The following MROH9 variants were observed in gnomAD, a reference collection of about 807,000 sequenced individuals.
MROH9 encodes the protein maestro heat-like repeat-containing protein family member 9.
Under a neutral mutation model 98.2 loss-of-function variants are expected in MROH9, and 92 were observed. The ratio of observed to expected loss-of-function variants is 0.94; its 90% CI spans 0.79 to 1.11. The LOEUF is 1.11. MROH9 is among the 50% of genes most tolerant of loss of function. The pLI is 0.00. For missense variants in MROH9, 1,057 were observed against 1,014.8 expected (o/e 1.04, Z -0.57); for synonymous variants, 397 against 368.9 (o/e 1.08, Z -0.87).
chr1:171,014,036 C>T, intron 15 of MROH9, 81 bp from the exon 16 acceptor site: 7 of 1,202,160 alleles, frequency 5.8e-6, no homozygotes, highest in East Asian at 2.6e-5. Flanking sequence ...CTAGTTTTAC[C>T]TAGAATATCT....
intron 14 of MROH9, 120 bp from the exon 15 acceptor site, chr1:170,998,034 A>G (rs1461597607): frequency 2.8e-5 from 20 of 723,718 alleles, no homozygotes; most frequent in Non-Finnish European, 4.3e-5. Flanking sequence ...TTATTTAGGG[A>G]ATATTAAAGA....
intron 20 of MROH9, among the ~76,000 whole-genome samples, chr1:171,031,639 G>A (rs1652918190): frequency 6.6e-6 from 1 of 152,190 alleles, no homozygotes; most frequent in Non-Finnish European, 1.5e-5. Context: ...TTTCTGTTGA[G>A]AGACGTACTT....
chr1:170,982,696 C>T (rs2101798930), intron 8 of MROH9, among the ~76,000 whole-genome samples: 1 of 152,138 alleles, frequency 6.6e-6, no homozygotes, highest in South Asian at 2.1e-4. Context: ...TGGAGACCAG[C>T]CTGGGCAACA....
intron 15 of MROH9, among the ~76,000 whole-genome samples, chr1:171,013,033 C>T (rs1652213312): frequency 6.6e-6 from 1 of 152,122 alleles, no homozygotes; most frequent in Non-Finnish European, 1.5e-5. Context: ...CTTTCAGGTG[C>T]TCAAACACAC....
chr1:171,064,155 AC>A lies in MROH9; in HGVS notation c.2403del (p.Tyr802MetfsTer11). 6.4e-7 allele frequency: 1 copy of A among 1,550,872 alleles called. No homozygotes were observed. Among genetic ancestry groups the A allele is most frequent in the Non-Finnish European group, 8.7e-7 (1 of 1,146,810 alleles). Reference sequence around the variant, plus strand: ...TATGATCAAACAGTTGGCTGAAATAACCTATGATATTTTTAAGAAAAAAGCC... The same window carrying A: ...TATGATCAAACAGTTGGCTGAAATAACTATGATATTTTTAAGAAAAAAGCC... ...DPMIKQLAEI[T>X]YDIFKKKAHK... is the part of the protein sequence containing the mutation. On this transcript the variant is annotated frameshift_variant, in exon 22 of 22. Coordinates refer to ENST00000367759, the MANE Select transcript of MROH9 (RefSeq NM_001163629.2). LOFTEE classifies it low-confidence loss of function (END_TRUNC).
At chr1:171,058,402 C>T (rs1318543032) in intron 20 of MROH9, among the ~76,000 whole-genome samples, 1 of 149,254 alleles carries the variant, frequency 6.7e-6, no homozygotes, top group Non-Finnish European at 1.5e-5. Context: ...GAATCAATAT[C>T]GTGAAAATGG....
chr1:170,937,699 A>G (rs1648952444), intron 1 of MROH9, among the ~76,000 whole-genome samples: 1 of 150,678 alleles, frequency 6.6e-6, no homozygotes, highest in African/African-American at 2.4e-5. Context: ...TTTTTTTTGT[A>G]TTTTTAGTAG....
chr1:170,989,091 A>T (rs956231260), intron 10 of MROH9, among the ~76,000 whole-genome samples: 2 of 152,200 alleles, frequency 1.3e-5, no homozygotes, highest in African/African-American at 4.8e-5. Flanking sequence ...TATATGATGT[A>T]ACTGCAGGGT....
chr1:170,998,774 G>A, intron 15 of MROH9: 3 of 974,036 alleles, frequency 3.1e-6, no homozygotes, highest in Non-Finnish European at 3.7e-6. Context: ...ACAAACTTTT[G>A]TTTACAAAAA....
chr1:171,012,551 A>G (rs1427253623), intron 15 of MROH9, among the ~76,000 whole-genome samples: 91 of 136,140 alleles, frequency 6.7e-4, no homozygotes, highest in Middle Eastern at 5.0e-3. Flanking sequence ...CACCCAGGCT[A>G]GAGTGCAGTG....
intron 3 of MROH9, among the ~76,000 whole-genome samples, chr1:170,957,750 T>C (rs1463123094): frequency 6.6e-6 from 1 of 152,122 alleles, no homozygotes; most frequent in Non-Finnish European, 1.5e-5. Flanking sequence ...AGTTTAGTCA[T>C]TCTTTAATAA....
intron 15 of MROH9, among the ~76,000 whole-genome samples, chr1:171,007,497 G>A (rs533853203): frequency 5.3e-5 from 8 of 152,286 alleles, no homozygotes; most frequent in Admixed American, 5.2e-4. Context: ...CTGCTTCAGT[G>A]TCTACAGCCA....
At position 171,064,532 on chromosome 1, in the gene MROH9, G is replaced by A. The variant is rs1040613331; in HGVS notation, c.*192G>A. On this transcript the variant is annotated 3_prime_UTR_variant, in exon 22 of 22. Transcript: ENST00000367759. ...TCTCTATTCAAATATAGAAATCTGA[G>A]AGAACTAGTGCCTCTGTATGTCTGA... 7.6e-6 allele frequency: 4 copies of A among 527,790 alleles called. No homozygotes were observed. Among genetic ancestry groups the A allele is most frequent in the Non-Finnish European group, 1.3e-5 (4 of 311,312 alleles). The allele number at this position is 527,790 out of a possible 1,614,324, so 32.7% of individuals were successfully genotyped here.
At chr1:170,952,909 G>A (rs1649611443) in intron 3 of MROH9, among the ~76,000 whole-genome samples, 2 of 151,998 alleles carry the variant, frequency 1.3e-5, no homozygotes, top group Non-Finnish European at 2.9e-5. Context: ...GGAGGTATCA[G>A]ACAAATCTTT....
chr1:171,062,454 A>G (rs1374457346), intron 21 of MROH9, among the ~76,000 whole-genome samples: 1 of 152,192 alleles, frequency 6.6e-6, no homozygotes, highest in East Asian at 1.9e-4. Context: ...TCTGAGAACT[A>G]TCATCCTAGA....
intron 12 of MROH9, among the ~76,000 whole-genome samples, chr1:170,992,754 A>C (rs1460616990): frequency 1.3e-5 from 2 of 152,150 alleles, no homozygotes; most frequent in Admixed American, 6.6e-5. Flanking sequence ...TCTCGTATTG[A>C]TGGACACTTA....
At chr1:170,959,948 C>T (rs1649953204) in intron 5 of MROH9, among the ~76,000 whole-genome samples, 2 of 152,266 alleles carry the variant, frequency 1.3e-5, no homozygotes, top group South Asian at 4.2e-4. Context: ...CTGCGGTCTC[C>T]ATTTCTTCAG....
chr1:170,938,537 T>C (rs1255557684), intron 1 of MROH9, among the ~76,000 whole-genome samples: 2 of 152,296 alleles, frequency 1.3e-5, no homozygotes, highest in East Asian at 3.9e-4. Context: ...GGCTTTAGGA[T>C]GGTGGGGAAC....
intron 20 of MROH9, among the ~76,000 whole-genome samples, chr1:171,050,730 T>C (rs1263603789): frequency 6.6e-6 from 1 of 152,180 alleles, no homozygotes; most frequent in Non-Finnish European, 1.5e-5. Flanking sequence ...AGAGTGGACA[T>C]CCTTGTCTTG....
Sources: gnomAD v4.1 joint callset for allele counts (sites outside exome capture counted in the v4.1 genomes callset) on GRCh38, gnomAD v4.1.1 for gene constraint, MANE v1.5 for transcripts, NCBI Gene and HGNC (gene_info 2026-07-23, HGNC 2026-07-21) for gene names.